Variants in ZBBX observed in about 807,000 individuals in gnomAD.
ZBBX encodes zinc finger B-box domain containing, also known as zinc finger B-box domain-containing protein 1.
In ZBBX, 101 loss-of-function variants were observed where a neutral mutation model predicts 108.5. That is an observed-to-expected ratio of 0.93 (90% CI 0.79 to 1.10). The LOEUF is 1.10. Among genes scored for constraint, ZBBX ranks in the 50% least tolerant of loss-of-function variants. The pLI, the probability that ZBBX is intolerant of heterozygous loss-of-function variation, is 0.00. For synonymous variants in ZBBX, 356 were observed against 323.4 expected (o/e 1.10, Z -1.08); for missense variants, 1,009 against 941.4 (o/e 1.07, Z -0.94).
At chr3:167,347,565 T>C (rs1310723700) in intron 9 of ZBBX, among the ~76,000 whole-genome samples, 2 of 152,064 alleles carry the variant, frequency 1.3e-5, no homozygotes, top group African/African-American at 4.8e-5. Context: ...TTTTGTTTTA[T>C]GAATAAAGGG....
Position 167,372,940 on chromosome 3 carries a change from T to G in ZBBX, c.-39A>C. ...ATATTGTCTAAAAGTTATTCTGATT[T>G]GTAAACACTTCTGTAAAAGTAACAA... On this transcript the variant is annotated 5_prime_UTR_variant, in exon 4 of 22. Coordinates refer to ENST00000675490, the MANE Select transcript of ZBBX (RefSeq NM_001199201.2). 1 of 1,479,752 alleles carries G rather than the reference T, an allele frequency of 6.8e-7. No homozygotes were observed. Among genetic ancestry groups the G allele is most frequent in the South Asian group, 1.3e-5 (1 of 79,338 alleles). The allele number at this position is 1,479,752 out of a possible 1,614,324, so 91.7% of individuals were successfully genotyped here. A position where few individuals can be genotyped will look rare whatever the true frequency, so the allele number is the denominator to read the frequency against.
At chr3:167,199,402 A>G in the ZBBX span, among the ~76,000 whole-genome samples, 3 of 152,172 alleles carry the variant, frequency 2.0e-5, no homozygotes, top group African/African-American at 7.2e-5. Context: ...ATCAAGCCAT[A>G]TGGGAATTGT....
At chr3:167,304,564 T>C (rs1400467043) in intron 17 of ZBBX, among the ~76,000 whole-genome samples, 1 of 152,158 alleles carries the variant, frequency 6.6e-6, no homozygotes, top group Non-Finnish European at 1.5e-5. Flanking sequence ...AGGATATTAA[T>C]AGGCACGGAT....
At chr3:167,281,959 A>G (rs1728879413) in intron 20 of ZBBX, among the ~76,000 whole-genome samples, 1 of 152,098 alleles carries the variant, frequency 6.6e-6, no homozygotes, top group Non-Finnish European at 1.5e-5. Flanking sequence ...AGAAAAAAAG[A>G]TTTTTTCCGT....
intron 20 of ZBBX, among the ~76,000 whole-genome samples, chr3:167,250,500 T>C (rs1178005081): frequency 6.6e-6 from 1 of 151,520 alleles, no homozygotes; most frequent in African/African-American, 2.4e-5. Context: ...ATAATACACA[T>C]GTTTCACCCA....
At position 167,389,823 on chromosome 3, in the gene ZBBX, T is replaced by TG. The variant is rs527754488; in HGVS notation, c.-445-9419_-445-9418insC. Among the ~76,000 whole-genome samples the TG allele has an allele frequency of 3.0e-3, 459 of 151,086 alleles. 1 individual carries two copies. The highest frequency in any genetic ancestry group is 0.011 in the African/African-American group (437 of 41,294). ...CCTTCACCCACTTTTTGATGTTTTT[T>TG]TTTCTTGTAAATTTAAGTTCCTTGT... On this transcript the variant is annotated intron_variant, in intron 1 of 21. Transcript: ENST00000455345.
the ZBBX span, among the ~76,000 whole-genome samples, chr3:167,198,801 T>G: frequency 6.6e-6 from 1 of 152,206 alleles, no homozygotes; most frequent in Non-Finnish European, 1.5e-5. Context: ...GCTTTGTAAC[T>G]ATCAGGTATC....
chr3:167,308,713 C>T (rs143139134), intron 16 of ZBBX, among the ~76,000 whole-genome samples: 2,115 of 152,176 alleles, frequency 0.014, 26 homozygotes, highest in South Asian at 0.026. Context: ...GAAAACTAAG[C>T]ACTAGTTTAT....
chr3:167,404,045 T>C (rs1367820131), intron 1 of ZBBX, among the ~76,000 whole-genome samples: 1 of 152,084 alleles, frequency 6.6e-6, no homozygotes, highest in Non-Finnish European at 1.5e-5. Context: ...ATACTAACAG[T>C]ATACTGTACA....
At chr3:167,226,299 C>T in the ZBBX span, among the ~76,000 whole-genome samples, 1 of 151,422 alleles carries the variant, frequency 6.6e-6, no homozygotes, top group Non-Finnish European at 1.5e-5. Flanking sequence ...TTTTGTAACC[C>T]CCACATAAAT....
intron 20 of ZBBX, among the ~76,000 whole-genome samples, chr3:167,263,298 C>A (rs1724906004): frequency 6.6e-6 from 1 of 152,078 alleles, no homozygotes; most frequent in South Asian, 2.1e-4. Flanking sequence ...TCCTCTGGTT[C>A]TTTAAGATAC....
At chr3:167,304,802 A>G (rs981426909) in intron 17 of ZBBX, among the ~76,000 whole-genome samples, 1 of 152,014 alleles carries the variant, frequency 6.6e-6, no homozygotes, top group African/African-American at 2.4e-5. Context: ...ATGACTGATC[A>G]GACATTTAGG....
intron 10 of ZBBX, among the ~76,000 whole-genome samples, chr3:167,328,925 T>C (rs561853856): frequency 1.3e-5 from 2 of 152,318 alleles, no homozygotes; most frequent in South Asian, 4.1e-4. Flanking sequence ...CCCATGTGAC[T>C]TTATTCTATA....
intron 20 of ZBBX, among the ~76,000 whole-genome samples, chr3:167,259,222 T>C (rs1724040426): frequency 6.6e-6 from 1 of 152,204 alleles, no homozygotes; most frequent in Non-Finnish European, 1.5e-5. Flanking sequence ...TTCCAGGAAT[T>C]TATCCATGTA....
intron 16 of ZBBX, among the ~76,000 whole-genome samples, chr3:167,308,207 A>C (rs969459299): frequency 6.6e-6 from 1 of 152,224 alleles, no homozygotes. Flanking sequence ...CTATAAGAAG[A>C]AGCTCAACAT....
chr3:167,394,388 T>C (rs774454390), intron 1 of ZBBX, among the ~76,000 whole-genome samples: 3 of 151,960 alleles, frequency 2.0e-5, no homozygotes, highest in Non-Finnish European at 4.4e-5. Flanking sequence ...TTTCTGATTG[T>C]ATCAAGTAGA....
At position 167,240,641 on chromosome 3, in the gene ZBBX, T is replaced by A. The variant is rs1381898471; in HGVS notation, c.*152A>T. ...TTGGAAGAATAAGCCCTTGAACTTA[T>A]AATTTTACTTTTATTAGTTTGTAGC... is the stretch of plus-strand genomic sequence containing the variant. On this transcript the variant is annotated 3_prime_UTR_variant, in exon 22 of 22. Coordinates refer to ENST00000675490, the MANE Select transcript of ZBBX (RefSeq NM_001199201.2). The A allele has an allele frequency of 2.4e-6, 2 of 817,416 alleles. No homozygotes were observed. Among genetic ancestry groups the A allele is most frequent in the Non-Finnish European group, 3.7e-6 (2 of 541,896 alleles). 50.6% of individuals were successfully genotyped at this position (817,416 alleles called of 1,614,324 possible). A position where few individuals can be genotyped will look rare whatever the true frequency, so the allele number is the denominator to read the frequency against.
chr3:167,217,010 A>G, the ZBBX span, among the ~76,000 whole-genome samples: 1 of 152,204 alleles, frequency 6.6e-6, no homozygotes, highest in Non-Finnish European at 1.5e-5. Flanking sequence ...ATCAAAACCT[A>G]TAAAAATCCT....
the ZBBX span, among the ~76,000 whole-genome samples, chr3:167,184,125 G>A: frequency 6.6e-6 from 1 of 151,768 alleles, no homozygotes; most frequent in Non-Finnish European, 1.5e-5. Flanking sequence ...TTCAACAAAT[G>A]GTACTAAAAA....
Sources: gnomAD v4.1 joint callset for allele counts (sites outside exome capture counted in the v4.1 genomes callset) on GRCh38, gnomAD v4.1.1 for gene constraint, MANE v1.5 for transcripts, NCBI Gene and HGNC (gene_info 2026-07-23, HGNC 2026-07-21) for gene names.